Variants in MRPL1 observed in about 807,000 individuals in gnomAD.
MRPL1 encodes large ribosomal subunit protein uL1m.
Under a neutral mutation model 38.0 loss-of-function variants are expected in MRPL1, and 28 were observed. The observed-to-expected ratio is 0.74, with a 90% CI of 0.55 to 1.01. The LOEUF (loss-of-function observed/expected upper bound fraction) is 1.01. Ranked by LOEUF, MRPL1 falls within the 50% of genes least tolerant of loss-of-function variation. The pLI, the probability that MRPL1 is intolerant of heterozygous loss-of-function variation, is 0.00. For missense variants in MRPL1, 358 were observed against 389.8 expected (o/e 0.92, Z 0.69); for synonymous variants, 123 against 126.7 (o/e 0.97, Z 0.20).
At chr4:77,892,227 G>C (rs1485898789) in intron 5 of MRPL1, among the ~76,000 whole-genome samples, 1 of 151,790 alleles carries the variant, frequency 6.6e-6, no homozygotes, top group Non-Finnish European at 1.5e-5. Context: ...CACCTCCCGG[G>C]TTCAAGCAAT....
At chr4:77,872,294 G>A (rs200584399) in intron 2 of MRPL1, among the ~76,000 whole-genome samples, 3 of 135,802 alleles carry the variant, frequency 2.2e-5, no homozygotes, top group African/African-American at 3.1e-5. Context: ...ATTTAATTAA[G>A]AAATTAATTT....
chr4:77,943,596 A>ATT (rs1737184359), intron 7 of MRPL1, among the ~76,000 whole-genome samples: 1 of 151,830 alleles, frequency 6.6e-6, no homozygotes, highest in African/African-American at 2.4e-5. Context: ...TTCTCTGTAG[A>ATT]TTGAGTTAAT....
At position 77,886,979 on chromosome 4, in the gene MRPL1, G is replaced by C. The variant is rs28403929; in HGVS notation, c.487-241G>C. Among the ~76,000 whole-genome samples, 433 of 151,684 alleles carry C rather than the reference G, an allele frequency of 2.9e-3. 3 individuals carry two copies. Among genetic ancestry groups the C allele is most frequent in the Non-Finnish European group, 5.1e-3 (347 of 67,890 alleles). ...GGCCAATTTTTATATTTTTAGTAGA[G>C]ACAGTTTTGCCATGTTGGCCAGGCT... On this transcript the variant is annotated intron_variant, in intron 4 of 8. Transcript: ENST00000315567.
chr4:77,928,155 T>C (rs1411841624), intron 7 of MRPL1, among the ~76,000 whole-genome samples: 2 of 152,240 alleles, frequency 1.3e-5, no homozygotes, highest in Admixed American at 6.5e-5. Context: ...AGCTGAAGCA[T>C]ATTGTAACAA....
At chr4:77,942,905 C>A (rs1181231896) in intron 7 of MRPL1, among the ~76,000 whole-genome samples, 2 of 152,108 alleles carry the variant, frequency 1.3e-5, no homozygotes, top group Non-Finnish European at 2.9e-5. Context: ...AGGTACTATT[C>A]TATTCATTGC....
intron 2 of MRPL1, 112 bp downstream of exon 2, chr4:77,871,967 A>T: frequency 1.4e-6 from 1 of 710,436 alleles, no homozygotes; most frequent in South Asian, 1.8e-5. Flanking sequence ...AAAGTTTATT[A>T]TTTCTGCTTC....
intron 6 of MRPL1, among the ~76,000 whole-genome samples, chr4:77,905,242 A>G (rs893329543): frequency 6.6e-6 from 1 of 152,126 alleles, no homozygotes; most frequent in South Asian, 2.1e-4. Flanking sequence ...CATGCCTGTA[A>G]TCTCAACACT....
intron 8 of MRPL1, among the ~76,000 whole-genome samples, chr4:77,951,667 G>T (rs1737412068): frequency 6.6e-6 from 1 of 152,100 alleles, no homozygotes; most frequent in African/African-American, 2.4e-5. Flanking sequence ...TAGATTCCTG[G>T]CCAGAGCCAC....
intron 3 of MRPL1, among the ~76,000 whole-genome samples, chr4:77,884,455 C>G (rs556028927): frequency 2.3e-4 from 35 of 152,322 alleles, no homozygotes; most frequent in Admixed American, 1.6e-3. Context: ...CCTGAGAGAT[C>G]TAGGCCTCAG....
rs193051777 is a variant in MRPL1 at position 77,933,334 on chromosome 4, G to T, written c.778-16463G>T. ...TTTTTCTCTGTCTTTGTCCTCTGAG[G>T]GCTAGTTGGCCCTCAGTGGAGAAAC... On this transcript the variant is annotated intron_variant, in intron 7 of 8. Transcript: ENST00000315567. Among the ~76,000 whole-genome samples, 20 of 152,162 alleles carry T rather than the reference G, an allele frequency of 1.3e-4. No individual in the cohort carries two copies. In the East Asian group the frequency reaches 3.7e-3, roughly 28 times the overall value.
rs186788416 is a variant in MRPL1 at position 77,872,843 on chromosome 4, A to G, written c.143+988A>G. Among the ~76,000 whole-genome samples, 705 of 152,278 alleles carry G rather than the reference A, an allele frequency of 4.6e-3. 1 individual carries two copies. The highest frequency in any genetic ancestry group is 6.1e-3 in the Non-Finnish European group (418 of 68,012). The stretch of plus-strand genomic sequence containing the variant: ...GCACCACTGTGCTCCAGCCTGGGCG[A>G]CAGAGTGAGACTCCATCTCAAAACA... On this transcript the variant is annotated intron_variant, in intron 2 of 8. Coordinates refer to ENST00000315567, the MANE Select transcript of MRPL1 (RefSeq NM_020236.4).
intron 7 of MRPL1, among the ~76,000 whole-genome samples, chr4:77,924,472 T>C: frequency 6.6e-6 from 1 of 152,186 alleles, no homozygotes; most frequent in East Asian, 1.9e-4. Flanking sequence ...TTCTGAATCT[T>C]GCCTCCTCCC....
chr4:77,912,532 A>G (rs796464212), intron 7 of MRPL1, among the ~76,000 whole-genome samples: 2 of 152,316 alleles, frequency 1.3e-5, no homozygotes, highest in African/African-American at 2.4e-5. Flanking sequence ...CGAAAACTTT[A>G]AAACATGGTT....
chr4:77,909,175 A>G (rs905228492), intron 6 of MRPL1, 91 bp from the exon 7 acceptor site: 5 of 807,568 alleles, frequency 6.2e-6, no homozygotes, highest in East Asian at 2.5e-5. Context: ...TTTATTTGCT[A>G]TATCTTTACA....
intron 7 of MRPL1, 118 bp downstream of exon 7, chr4:77,909,490 A>G: frequency 1.6e-6 from 1 of 642,026 alleles, no homozygotes; most frequent in Non-Finnish European, 2.7e-6. Context: ...ACTAGCATTA[A>G]GAATGGCATT....
intron 6 of MRPL1, among the ~76,000 whole-genome samples, chr4:77,899,639 C>G (rs1735994726): frequency 6.6e-6 from 1 of 151,966 alleles, no homozygotes; most frequent in Admixed American, 6.6e-5. Context: ...CACCTCTTTT[C>G]TAACTATTTC....
Position 77,931,088 on chromosome 4 carries a change from A to G in MRPL1, c.778-18709A>G, listed in dbSNP as rs564118900. 2.0e-5 allele frequency among the ~76,000 whole-genome samples: 3 copies of G among 152,370 alleles called. No individual in the cohort carries two copies. In the East Asian group the frequency reaches 5.8e-4, roughly 29 times the overall value. On this transcript the variant is annotated intron_variant, in intron 7 of 8. Transcript: ENST00000315567. ...ATTCTCCAAGCCCACTTTGTATAAT[A>G]TGTGGTGACTGGCTGTCCAGTGAAG...
In MRPL1 at chr4:77,909,272, T is replaced by C. The variant is rs2110248082; in HGVS notation, c.677T>C (p.Ile226Thr). 1 of 1,601,646 alleles carries C rather than the reference T, an allele frequency of 6.2e-7. No homozygotes were observed. Among genetic ancestry groups the C allele is most frequent in the Non-Finnish European group, 8.5e-7 (1 of 1,171,820 alleles). The change falls in exon 7 of 9, where the codon ATT becomes ACT. Residue 226 changes from isoleucine to threonine, a missense_variant. By Grantham distance (89) the Ile-to-Thr change is moderately conservative. Transcript: ENST00000315567. ...KKYPKLSRNS[I>T]GRDIPKMLEL... ...TTTTACTTTTTCTAACTAGATTCCA[T>C]TGGCCGTGACATCCCCAAAATGCTT...
intron 7 of MRPL1, among the ~76,000 whole-genome samples, chr4:77,947,063 TAAG>T (rs1737288039): frequency 6.7e-6 from 1 of 149,618 alleles, no homozygotes; most frequent in Non-Finnish European, 1.5e-5. Context: ...CTCATAATGA[TAAG>T]AAAGTTATTG....
Sources: gnomAD v4.1 joint callset for allele counts (sites outside exome capture counted in the v4.1 genomes callset) on GRCh38, gnomAD v4.1.1 for gene constraint, MANE v1.5 for transcripts, NCBI Gene and HGNC (gene_info 2026-07-23, HGNC 2026-07-21) for gene names.